Variants in RMND5A observed in about 807,000 individuals in gnomAD.
RMND5A encodes the protein E3 ubiquitin-protein transferase RMND5A.
A neutral mutation model predicts 49.7 loss-of-function variants in RMND5A; 17 were observed. The observed-to-expected ratio is 0.34, with a 90% CI of 0.23 to 0.51. The LOEUF (loss-of-function observed/expected upper bound fraction) is 0.51. RMND5A is among the 20% of genes least tolerant of loss of function. The probability of loss-of-function intolerance (pLI) is 0.96; values close to 1 mark genes in which losing one functional copy is unlikely to be tolerated. For missense variants in RMND5A, 255 were observed against 471.3 expected (o/e 0.54, Z 4.25); for synonymous variants, 156 against 167.7 (o/e 0.93, Z 0.54).
At chr2:86,772,215 C>T (rs571895714) in intron 8 of RMND5A, among the ~76,000 whole-genome samples, 4 of 152,168 alleles carry the variant, frequency 2.6e-5, no homozygotes, top group East Asian at 1.9e-4. Flanking sequence ...TGTGGGAGGC[C>T]GAGGCAGGCG....
intron 4 of RMND5A, among the ~76,000 whole-genome samples, chr2:86,761,705 A>G (rs377466976): frequency 1.6e-4 from 24 of 152,262 alleles, no homozygotes; most frequent in African/African-American, 5.5e-4. Context: ...AAATTTGAAA[A>G]CTTGTATTCT....
chr2:86,761,339 C>T (rs1441550586), intron 4 of RMND5A, among the ~76,000 whole-genome samples: 3 of 152,146 alleles, frequency 2.0e-5, no homozygotes, highest in Non-Finnish European at 4.4e-5. Context: ...TATTAGGAGG[C>T]AGCTGCGGAG....
intron 1 of RMND5A, among the ~76,000 whole-genome samples, chr2:86,725,403 T>G (rs1403718952): frequency 8.5e-6 from 1 of 118,224 alleles, no homozygotes; most frequent in Non-Finnish European, 1.8e-5. Context: ...TTTTTGTTGT[T>G]TTTTGAGACA....
At chr2:86,761,017 T>C (rs1457793319) in intron 4 of RMND5A, among the ~76,000 whole-genome samples, 1 of 151,432 alleles carries the variant, frequency 6.6e-6, no homozygotes, top group Non-Finnish European at 1.5e-5. Context: ...TCAGTTTGGC[T>C]ACTATTCGGG....
intron 6 of RMND5A, among the ~76,000 whole-genome samples, chr2:86,767,629 TTAAG>T (rs561735269): frequency 4.1e-4 from 63 of 152,322 alleles, no homozygotes; most frequent in African/African-American, 1.4e-3. Flanking sequence ...AAGGTCTTAA[TTAAG>T]TATGATTTTA....
intron 4 of RMND5A, among the ~76,000 whole-genome samples, chr2:86,755,659 A>G (rs148698394): frequency 6.9e-4 from 105 of 152,266 alleles, no homozygotes; most frequent in African/African-American, 2.4e-3. Flanking sequence ...TTCTCCTAAG[A>G]GCCTTTTAAA....
At chr2:86,763,098 C>T (rs971447613) in intron 4 of RMND5A, among the ~76,000 whole-genome samples, 1 of 152,104 alleles carries the variant, frequency 6.6e-6, no homozygotes, top group Non-Finnish European at 1.5e-5. Flanking sequence ...AACACTATAT[C>T]ATGAACATAT....
At chr2:86,747,667 A>G (rs1681560487) in intron 2 of RMND5A, among the ~76,000 whole-genome samples, 1 of 152,240 alleles carries the variant, frequency 6.6e-6, no homozygotes, top group Admixed American at 6.5e-5. Flanking sequence ...CTTAGGAATT[A>G]AATACTGAGT....
Position 86,776,041 on chromosome 2 carries a change from T to A in RMND5A, c.*2630T>A, listed in dbSNP as rs902819846. The A allele has an allele frequency of 2.6e-5, 4 of 152,222 alleles. No homozygotes were observed. Among genetic ancestry groups the A allele is most frequent in the African/African-American group, 9.6e-5 (4 of 41,462 alleles). 9.4% of individuals were successfully genotyped at this position (152,222 alleles called of 1,614,324 possible). ...ATTATAATGTACATCAAAGGCAGAATTTCAGAATGGTTTCTTAAATTTCCT... is the reference window on the plus strand; with the variant it reads ...ATTATAATGTACATCAAAGGCAGAAATTCAGAATGGTTTCTTAAATTTCCT... On this transcript the variant is annotated 3_prime_UTR_variant, in exon 9 of 9. Coordinates refer to ENST00000283632, the MANE Select transcript of RMND5A (RefSeq NM_022780.4).
intron 4 of RMND5A, among the ~76,000 whole-genome samples, chr2:86,762,700 CATATATATCATA>C (rs1672521979): frequency 3.6e-4 from 2 of 5,498 alleles, no homozygotes; most frequent in Non-Finnish European, 9.1e-4. Context: ...TCATATATAT[CATATATATCATA>C]TATATCATAT....
At chr2:86,766,730 G>T (rs1374253402) in intron 6 of RMND5A, among the ~76,000 whole-genome samples, 1 of 151,440 alleles carries the variant, frequency 6.6e-6, no homozygotes, top group Non-Finnish European at 1.5e-5. Context: ...GCTCACATCT[G>T]TAATTCCAGC....
chr2:86,776,781 A>G lies in RMND5A; in HGVS notation c.*3370A>G, dbSNP rs1267159036. The G allele has an allele frequency of 6.6e-6, 1 of 152,242 alleles. No individual in the cohort carries two copies. The highest frequency in any genetic ancestry group is 1.5e-5 in the Non-Finnish European group (1 of 68,042). The allele number at this position is 152,242 out of a possible 1,614,324, so 9.4% of individuals were successfully genotyped here. On this transcript the variant is annotated 3_prime_UTR_variant, in exon 9 of 9. Coordinates refer to ENST00000283632, the MANE Select transcript of RMND5A (RefSeq NM_022780.4). Reference sequence around the variant, plus strand: ...ATGGAGGCATAGTTTGGTTAGTTTCATCACTAGGATGTATAAGGTGACGAC... The same window carrying G: ...ATGGAGGCATAGTTTGGTTAGTTTCGTCACTAGGATGTATAAGGTGACGAC...
chr2:86,763,551 G>A (rs551490972), intron 4 of RMND5A, among the ~76,000 whole-genome samples: 5 of 152,240 alleles, frequency 3.3e-5, no homozygotes, highest in East Asian at 1.9e-4. Flanking sequence ...AAGCTGAGGC[G>A]GGAGGATCAC....
At position 86,774,050 on chromosome 2, in the gene RMND5A, T is replaced by C. The variant is rs1672726294; in HGVS notation, c.*639T>C. 1 of 152,700 alleles carries C rather than the reference T, an allele frequency of 6.5e-6. No individual in the cohort carries two copies. Among genetic ancestry groups the C allele is most frequent in the South Asian group, 2.1e-4 (1 of 4,834 alleles). The allele number at this position is 152,700 out of a possible 1,614,324, so 9.5% of individuals were successfully genotyped here. ...CTGCGTGTTTAAGAATTTCATTGTT[T>C]AACTGGCTGGTGTGAGAAGTCTTCC... On this transcript the variant is annotated 3_prime_UTR_variant, in exon 9 of 9. Coordinates refer to ENST00000283632, the MANE Select transcript of RMND5A (RefSeq NM_022780.4).
chr2:86,776,444 A>G lies in RMND5A; in HGVS notation c.*3033A>G, dbSNP rs1672770170. On this transcript the variant is annotated 3_prime_UTR_variant, in exon 9 of 9. Transcript: ENST00000283632. ...AACTTCTCTGTAGCAGCTAATGCAT[A>G]GAGACACTAAAACCCACACCACATT... is the stretch of plus-strand genomic sequence containing the variant. The G allele has an allele frequency of 6.6e-6, 1 of 152,246 alleles. No individual in the cohort carries two copies. Among genetic ancestry groups the G allele is most frequent in the African/African-American group, 2.4e-5 (1 of 41,464 alleles). 9.4% of individuals were successfully genotyped at this position (152,246 alleles called of 1,614,324 possible).
intron 4 of RMND5A, among the ~76,000 whole-genome samples, chr2:86,763,064 G>GA (rs1672529978): frequency 6.6e-6 from 1 of 152,004 alleles, no homozygotes; most frequent in Admixed American, 6.6e-5. Flanking sequence ...ATAAAAAATA[G>GA]AAAATCACAC....
At chr2:86,759,612 G>GCCCC (rs144501224) in intron 4 of RMND5A, among the ~76,000 whole-genome samples, 114 of 146,108 alleles carry the variant, frequency 7.8e-4, no homozygotes, top group East Asian at 2.8e-3. Context: ...TAGTTTGCTT[G>GCCCC]CCCCCCCGCC....
chr2:86,769,032 A>G (rs535109517), intron 6 of RMND5A, among the ~76,000 whole-genome samples: 4 of 152,038 alleles, frequency 2.6e-5, no homozygotes, highest in Non-Finnish European at 4.4e-5. Flanking sequence ...TGCAGCCTCA[A>G]CCTCCTGGCA....
intron 6 of RMND5A, among the ~76,000 whole-genome samples, chr2:86,768,594 T>C (rs1374232511): frequency 4.6e-5 from 7 of 152,194 alleles, no homozygotes; most frequent in Admixed American, 4.6e-4. Flanking sequence ...CGTGAGGAGC[T>C]CTGGAGCTGC....
Sources: allele counts gnomAD v4.1 joint callset (sites outside exome capture counted in the v4.1 genomes callset), GRCh38; gene constraint gnomAD v4.1.1; transcripts MANE v1.5; gene names NCBI Gene and HGNC (gene_info 2026-07-23, HGNC 2026-07-21).